The following RARS2 variants were observed in gnomAD, a reference collection of about 807,000 sequenced individuals.
RARS2 encodes the protein probable arginine--tRNA ligase, mitochondrial.
Under a neutral mutation model 88.5 loss-of-function variants are expected in RARS2, and 67 were observed. The observed-to-expected ratio is 0.76, with a 90% CI of 0.62 to 0.93. The LOEUF (loss-of-function observed/expected upper bound fraction) is 0.93. Ranked by LOEUF, RARS2 falls within the 40% of genes least tolerant of loss-of-function variation. The pLI is 0.00. For synonymous variants in RARS2, 239 were observed against 230.3 expected, an observed-to-expected ratio of 1.04 and a Z score of -0.34; for missense variants, 664 against 684.2, an observed-to-expected ratio of 0.97 and a Z score of 0.33.
intron 8 of RARS2, among the ~76,000 whole-genome samples, chr6:87,540,596 C>G (rs1011711908): frequency 6.6e-6 from 1 of 151,992 alleles, no homozygotes; most frequent in Non-Finnish European, 1.5e-5. Flanking sequence ...TTTGCAAGTG[C>G]TTTTTCTCAC....
intron 10 of RARS2, among the ~76,000 whole-genome samples, chr6:87,525,897 T>TA (rs1562084888): frequency 2.9e-4 from 43 of 150,324 alleles, no homozygotes; most frequent in African/African-American, 9.9e-4. Flanking sequence ...AAAAAGAAAT[T>TA]TAAAAAAAAA....
intron 14 of RARS2, 67 bp from the exon 15 acceptor site, chr6:87,518,958 G>A: frequency 6.8e-7 from 1 of 1,474,476 alleles, no homozygotes; most frequent in Non-Finnish European, 9.5e-7. Context: ...TCCAAGTGAA[G>A]GTAACATCTG....
Position 87,514,427 on chromosome 6 carries a change from C to A in RARS2, c.1723G>T (p.Val575Leu). 6.2e-7 allele frequency: 1 copy of A among 1,605,878 alleles called. No homozygotes were observed. The highest frequency in any genetic ancestry group is 8.5e-7 in the Non-Finnish European group (1 of 1,172,786). The part of the protein sequence containing the change: ...NGMKLLGITP[V>L]CRM ...TTTAATGGAAATTACATCCTACATA[C>A]AGGTGTTATTCCAAGAAGTTTCATT... Residue 575 changes from valine to leucine, a missense_variant, in exon 20 of 20, where the codon GTA becomes TTA. Coordinates refer to ENST00000369536, the MANE Select transcript of RARS2 (RefSeq NM_020320.5).
At chr6:87,585,558 G>A (rs957987824) in intron 1 of RARS2, among the ~76,000 whole-genome samples, 3 of 151,934 alleles carry the variant, frequency 2.0e-5, no homozygotes, top group Non-Finnish European at 4.4e-5. Context: ...GTGAAACCCC[G>A]TCTCTACTAA....
chr6:87,516,890 G>T lies in RARS2; in HGVS notation c.1512-10C>A. ...AAGCACCTCGTCGAACCTAAAAGAT[G>T]ACAGGAACAGTGAACAGGAAAAGAC... On this transcript the variant is annotated splice_polypyrimidine_tract_variant and intron_variant, in intron 17 of 19. Coordinates refer to ENST00000369536, the MANE Select transcript of RARS2 (RefSeq NM_020320.5). The T allele has an allele frequency of 1.2e-6, 2 of 1,613,398 alleles. No homozygotes were observed. The highest frequency in any genetic ancestry group is 2.2e-5 in the South Asian group (2 of 91,020).
chr6:87,582,665 A>G (rs185660519), intron 1 of RARS2, among the ~76,000 whole-genome samples: 63 of 152,346 alleles, frequency 4.1e-4, no homozygotes, highest in Non-Finnish European at 6.8e-4. Flanking sequence ...GAACAGTACA[A>G]ACGTAGATAA....
At chr6:87,534,398 A>G (rs1778512390) in intron 8 of RARS2, among the ~76,000 whole-genome samples, 1 of 152,184 alleles carries the variant, frequency 6.6e-6, no homozygotes, top group Admixed American at 6.5e-5. Flanking sequence ...AACCACATTC[A>G]TTATATCTTA....
chr6:87,517,171 G>A (rs1003144141), intron 17 of RARS2, among the ~76,000 whole-genome samples: 9 of 151,858 alleles, frequency 5.9e-5, no homozygotes, highest in African/African-American at 1.5e-4. Flanking sequence ...CCAGCTACCT[G>A]GGAGGCTAAG....
chr6:87,542,871 G>A (rs1005849016), intron 7 of RARS2, among the ~76,000 whole-genome samples: 7 of 149,460 alleles, frequency 4.7e-5, no homozygotes, highest in Non-Finnish European at 1.1e-4. Flanking sequence ...GTTAAATGAC[G>A]AGTTAATGGG....
chr6:87,533,089 AGAGTT>A (rs1312620098), intron 8 of RARS2, among the ~76,000 whole-genome samples: 2 of 152,214 alleles, frequency 1.3e-5, no homozygotes, highest in African/African-American at 4.8e-5. Flanking sequence ...TTTTCACAAA[AGAGTT>A]TAGTTTCTTT....
intron 6 of RARS2, among the ~76,000 whole-genome samples, chr6:87,548,198 G>T (rs559486633): frequency 1.4e-4 from 22 of 152,114 alleles, no homozygotes; most frequent in Non-Finnish European, 2.9e-4. Context: ...AGCCAAGATT[G>T]CGCCACTGCA....
chr6:87,540,251 C>G (rs1309616188), intron 8 of RARS2, among the ~76,000 whole-genome samples: 13 of 151,440 alleles, frequency 8.6e-5, no homozygotes, highest in Non-Finnish European at 1.8e-4. Flanking sequence ...AGTTCAAGAC[C>G]AGCCTGGACA....
intron 2 of RARS2, among the ~76,000 whole-genome samples, chr6:87,569,275 G>C (rs2128187564): frequency 6.6e-6 from 1 of 152,124 alleles, no homozygotes; most frequent in Non-Finnish European, 1.5e-5. Flanking sequence ...ATAGTTACTA[G>C]CATAACTAAA....
intron 16 of RARS2, 109 bp downstream of exon 16, chr6:87,518,521 T>C (rs1772572145): frequency 6.1e-6 from 8 of 1,321,052 alleles, no homozygotes; most frequent in Non-Finnish European, 6.4e-6. Flanking sequence ...CAGATGTGAA[T>C]AGAAGATATT....
chr6:87,547,857 C>T (rs374388878), intron 6 of RARS2, among the ~76,000 whole-genome samples: 5 of 151,924 alleles, frequency 3.3e-5, no homozygotes, highest in Non-Finnish European at 5.9e-5. Flanking sequence ...CCAGGCTGGT[C>T]GCGAACTCCT....
chr6:87,522,853 T>TC (rs1261053784), intron 11 of RARS2, among the ~76,000 whole-genome samples: 1 of 152,154 alleles, frequency 6.6e-6, no homozygotes, highest in East Asian at 1.9e-4. Flanking sequence ...CAAGTGATCC[T>TC]CCTGCTTTGG....
intron 18 of RARS2, among the ~76,000 whole-genome samples, chr6:87,516,504 C>G (rs1168739189): frequency 2.6e-5 from 4 of 152,234 alleles, no homozygotes; most frequent in Non-Finnish European, 4.4e-5. Context: ...GAAGCCCTCT[C>G]TGATCGCTCA....
chr6:87,552,278 C>T (rs1784572265), intron 5 of RARS2, among the ~76,000 whole-genome samples: 1 of 152,178 alleles, frequency 6.6e-6, no homozygotes, highest in Non-Finnish European at 1.5e-5. Context: ...CTTCTCCCAC[C>T]TCTCTCATTT....
intron 1 of RARS2, among the ~76,000 whole-genome samples, chr6:87,588,904 G>A (rs1357040980): frequency 6.6e-6 from 1 of 152,172 alleles, no homozygotes; most frequent in African/African-American, 2.4e-5. Context: ...AAAGCTCTCA[G>A]TGGTGTTCTT....
Sources: allele counts gnomAD v4.1 joint callset (sites outside exome capture counted in the v4.1 genomes callset), GRCh38; gene constraint gnomAD v4.1.1; transcripts MANE v1.5; gene names NCBI Gene and HGNC (gene_info 2026-07-23, HGNC 2026-07-21).